HIP1: variants seen among roughly 807,000 people sequenced by gnomAD.
The protein encoded by HIP1 is huntingtin-interacting protein 1.
HIP1 carries 65 observed loss-of-function variants against 147.6 expected under a neutral mutation model. That is an observed-to-expected ratio of 0.44 (90% CI 0.36 to 0.54). The LOEUF is 0.54. Among genes scored for constraint, HIP1 ranks in the 20% least tolerant of loss-of-function variants. The probability of loss-of-function intolerance (pLI) is 0.00; values close to 1 mark genes in which losing one functional copy is unlikely to be tolerated. For missense variants in HIP1, 1,061 were observed against 1,299.6 expected, an observed-to-expected ratio of 0.82 and a Z score of 2.82; for synonymous variants, 479 against 504.0, an observed-to-expected ratio of 0.95 and a Z score of 0.67.
At chr7:75,711,738 G>T (rs1801171311) in intron 1 of HIP1, among the ~76,000 whole-genome samples, 1 of 152,200 alleles carries the variant, frequency 6.6e-6, no homozygotes, top group African/African-American at 2.4e-5. Flanking sequence ...CTCTCTCTGA[G>T]GTATGCCCTC....
intron 1 of HIP1, among the ~76,000 whole-genome samples, chr7:75,642,296 G>C (rs1203726133): frequency 1.3e-5 from 2 of 152,162 alleles, no homozygotes; most frequent in African/African-American, 4.8e-5. Flanking sequence ...CCAGCACTTT[G>C]GGAGGCTGAG....
At chr7:75,723,892 G>GGT (rs1227456324) in intron 1 of HIP1, among the ~76,000 whole-genome samples, 1 of 151,542 alleles carries the variant, frequency 6.6e-6, no homozygotes, top group Admixed American at 6.6e-5. Flanking sequence ...GGGGACTATA[G>GGT]GTGTGTGTCA....
At chr7:75,586,980 G>A in intron 4 of HIP1, 147 bp from the exon 5 acceptor site, 3 of 624,022 alleles carry the variant, frequency 4.8e-6, no homozygotes, top group Non-Finnish European at 8.7e-6. Flanking sequence ...TAGCTCTGTT[G>A]CCCAGGCTGG....
In HIP1 at chr7:75,590,041, C is replaced by T. The variant is rs141305673; in HGVS notation, c.384+2015G>A. On this transcript the variant is annotated intron_variant, in intron 4 of 30. Transcript: ENST00000336926. Reference sequence around the variant, plus strand: ...AGCCACTGCGCCTGGCCAAAAACGACATTCTTAAACAAGCAAACACAGTGT... The same window carrying T: ...AGCCACTGCGCCTGGCCAAAAACGATATTCTTAAACAAGCAAACACAGTGT... 3.1e-3 allele frequency among the ~76,000 whole-genome samples: 470 copies of T among 152,176 alleles called. 5 individuals carry two copies. The highest frequency in any genetic ancestry group is 2.6e-3 in the Non-Finnish European group (175 of 68,012).
chr7:75,546,078 T>C (rs765789528), intron 25 of HIP1, among the ~76,000 whole-genome samples: 3 of 152,196 alleles, frequency 2.0e-5, no homozygotes, highest in Non-Finnish European at 4.4e-5. Flanking sequence ...ATTTCTACCA[T>C]ACCATGACAT....
At chr7:75,648,957 A>C (rs1463699318) in intron 1 of HIP1, among the ~76,000 whole-genome samples, 2 of 152,084 alleles carry the variant, frequency 1.3e-5, no homozygotes, top group African/African-American at 4.8e-5. Flanking sequence ...CTACAGGTGC[A>C]TGCCACCATG....
In HIP1 at chr7:75,542,090, A is replaced by G. The variant is rs1794344453; in HGVS notation, c.2891-110T>C. ...GGAAACGCCTGGCTTGCCATTTGTC[A>G]ACACTGCATGAAAGTAAGTGAGGGG... On this transcript the variant is annotated intron_variant, in intron 28 of 30. Coordinates refer to ENST00000336926, the MANE Select transcript of HIP1 (RefSeq NM_005338.7). 1.3e-5 allele frequency: 11 copies of G among 873,378 alleles called. No individual in the cohort carries two copies. The South Asian group carries it at 1.5e-4, about 12-fold the overall frequency. The allele number at this position is 873,378 out of a possible 1,614,324, so 54.1% of individuals were successfully genotyped here. A position where few individuals can be genotyped will look rare whatever the true frequency, so the allele number is the denominator to read the frequency against.
At chr7:75,713,803 C>G (rs1554520321) in intron 1 of HIP1, among the ~76,000 whole-genome samples, 1 of 148,978 alleles carries the variant, frequency 6.7e-6, no homozygotes, top group East Asian at 2.0e-4. Context: ...CGGGTTCAAG[C>G]AATGCTCCTG....
intron 1 of HIP1, among the ~76,000 whole-genome samples, chr7:75,668,582 C>A (rs953036047): frequency 6.6e-5 from 10 of 152,098 alleles, no homozygotes; most frequent in Non-Finnish European, 1.5e-4. Flanking sequence ...ACCTTGGCCT[C>A]CCAAAGTGCT....
At chr7:75,612,166 A>T (rs1374598865) in intron 1 of HIP1, among the ~76,000 whole-genome samples, 1 of 152,192 alleles carries the variant, frequency 6.6e-6, no homozygotes, top group Non-Finnish European at 1.5e-5. Context: ...GGGGCCAGAG[A>T]AGGAAAACCT....
At chr7:75,545,001 A>ATT (rs60028636) in intron 26 of HIP1, 87 bp downstream of exon 26, 96 of 856,320 alleles carry the variant, frequency 1.1e-4, no homozygotes, top group Middle Eastern at 2.3e-4. Flanking sequence ...TAAGGGACAG[A>ATT]TTTTTTTTTC....
rs1794076402 is a variant in HIP1, at chr7:75,536,115, T to C, written c.*2057A>G. On this transcript the variant is annotated 3_prime_UTR_variant, in exon 31 of 31. Transcript: ENST00000336926. ...TGACCCGCATCAAGAACACACCGATTGGTTTAGTTGCCACAACTGGGACAG... is the reference window on the plus strand; with the variant it reads ...TGACCCGCATCAAGAACACACCGATCGGTTTAGTTGCCACAACTGGGACAG... 1 of 192,200 alleles carries C rather than the reference T, an allele frequency of 5.2e-6. No homozygotes were observed. The highest frequency in any genetic ancestry group is 1.1e-5 in the Non-Finnish European group (1 of 92,108). The allele number at this position is 192,200 out of a possible 1,614,324, so 11.9% of individuals were successfully genotyped here.
chr7:75,597,465 C>T (rs1260364678), intron 2 of HIP1, among the ~76,000 whole-genome samples: 2 of 152,082 alleles, frequency 1.3e-5, no homozygotes, highest in African/African-American at 2.4e-5. Context: ...CGAAGTTGGG[C>T]GCGGTGGCTC....
In HIP1 at chr7:75,554,529, G is replaced by A. The variant is rs1794917713; in HGVS notation, c.1964-3C>T. Reference sequence around the variant, plus strand: ...TGTGACCGTGGAGAGGAGGTGATCTGTGAGAGGGAACACAGGGCAAGGTCA... The same window carrying A: ...TGTGACCGTGGAGAGGAGGTGATCTATGAGAGGGAACACAGGGCAAGGTCA... On this transcript the variant is annotated splice_polypyrimidine_tract_variant and splice_region_variant and intron_variant, in intron 19 of 30. Coordinates refer to ENST00000336926, the MANE Select transcript of HIP1 (RefSeq NM_005338.7). The A allele has an allele frequency of 1.1e-5, 18 of 1,612,132 alleles. No individual in the cohort carries two copies. Among genetic ancestry groups the A allele is most frequent in the Non-Finnish European group, 1.4e-5 (17 of 1,178,478 alleles).
chr7:75,635,472 GGAGGCTAAGGCAGGA>G (rs1284792348), intron 1 of HIP1, among the ~76,000 whole-genome samples: 1 of 151,832 alleles, frequency 6.6e-6, no homozygotes, highest in African/African-American at 2.4e-5. Context: ...CAGCTACTCG[GGAGGCTAAGGCAGGA>G]GAATCGCTTG....
intron 1 of HIP1, among the ~76,000 whole-genome samples, chr7:75,728,265 C>CAAA (rs1801717089): frequency 6.6e-6 from 1 of 152,224 alleles, no homozygotes; most frequent in Non-Finnish European, 1.5e-5. Context: ...TTCTCTCTTC[C>CAAA]TCTGAGCCAG....
intron 1 of HIP1, among the ~76,000 whole-genome samples, chr7:75,679,203 G>A (rs1374006706): frequency 5.3e-5 from 8 of 152,088 alleles, no homozygotes; most frequent in African/African-American, 1.7e-4. Flanking sequence ...AATACATCTT[G>A]TTTGTTTTTG....
chr7:75,610,303 T>TG (rs1333802748), intron 1 of HIP1, among the ~76,000 whole-genome samples: 4 of 151,152 alleles, frequency 2.6e-5, no homozygotes, highest in Admixed American at 6.6e-5. Flanking sequence ...TGAACGCCTG[T>TG]GCTCAAGTGA....
chr7:75,555,619 G>C, intron 18 of HIP1, 68 bp from the exon 19 acceptor site: 1 of 1,566,430 alleles, frequency 6.4e-7, no homozygotes, highest in South Asian at 1.1e-5. Flanking sequence ...GGATGACCTG[G>C]CTGGGGCTCT....
Sources: gnomAD v4.1 joint callset for allele counts (sites outside exome capture counted in the v4.1 genomes callset) on GRCh38, gnomAD v4.1.1 for gene constraint, MANE v1.5 for transcripts, NCBI Gene and HGNC (gene_info 2026-07-23, HGNC 2026-07-21) for gene names.